GPC5: variants seen among roughly 807,000 people sequenced by gnomAD.
The protein encoded by GPC5 is glypican 5, also known as glypican-5.
A neutral mutation model predicts 53.9 loss-of-function variants in GPC5; 47 were observed. That is an observed-to-expected ratio of 0.87 (90% CI 0.69 to 1.11). GPC5 has a LOEUF of 1.11. Ranked by LOEUF, GPC5 falls within the 50% of genes most tolerant of loss-of-function variation. GPC5 has a pLI of 0.00. For synonymous variants in GPC5, 286 were observed against 263.3 expected (o/e 1.09, Z -0.84); for missense variants, 748 against 713.1 (o/e 1.05, Z -0.56).
intron 7 of GPC5, among the ~76,000 whole-genome samples, chr13:92,753,263 C>A (rs969340501): frequency 1.3e-5 from 2 of 152,172 alleles, no homozygotes; most frequent in African/African-American, 2.4e-5. Context: ...TCCAACAGAC[C>A]TGCAGCTGAG....
intron 5 of GPC5, among the ~76,000 whole-genome samples, chr13:91,883,068 A>T (rs892720282): frequency 2.0e-5 from 3 of 152,156 alleles, no homozygotes; most frequent in Non-Finnish European, 4.4e-5. Context: ...CTTCTCTCAC[A>T]TCATTAACTA....
At chr13:92,498,695 C>T (rs1880076229) in intron 7 of GPC5, among the ~76,000 whole-genome samples, 1 of 152,158 alleles carries the variant, frequency 6.6e-6, no homozygotes, top group African/African-American at 2.4e-5. Flanking sequence ...ATAATGCCTT[C>T]ACCTTTTACA....
At chr13:91,799,095 A>G (rs911965980) in intron 5 of GPC5, among the ~76,000 whole-genome samples, 3 of 152,220 alleles carry the variant, frequency 2.0e-5, no homozygotes, top group Admixed American at 6.5e-5. Flanking sequence ...GTGTTCATCA[A>G]CAGTGGACTG....
intron 5 of GPC5, among the ~76,000 whole-genome samples, chr13:91,773,023 A>G (rs2037652609): frequency 6.6e-6 from 1 of 152,168 alleles, no homozygotes; most frequent in South Asian, 2.1e-4. Flanking sequence ...TTACTGTAGA[A>G]ATGATGTGAG....
intron 7 of GPC5, among the ~76,000 whole-genome samples, chr13:92,783,898 A>G (rs1050958881): frequency 6.6e-6 from 1 of 152,178 alleles, no homozygotes; most frequent in Non-Finnish European, 1.5e-5. Context: ...TTTAGAAAGA[A>G]AATGCACTAA....
At chr13:91,725,820 G>A (rs906942054) in intron 3 of GPC5, among the ~76,000 whole-genome samples, 9 of 152,106 alleles carry the variant, frequency 5.9e-5, no homozygotes, top group African/African-American at 1.4e-4. Flanking sequence ...CTTCAAAGTC[G>A]TTTTATTTTC....
At chr13:91,946,255 T>A (rs1409648026) in intron 6 of GPC5, among the ~76,000 whole-genome samples, 11 of 151,874 alleles carry the variant, frequency 7.2e-5, no homozygotes, top group East Asian at 5.8e-4. Flanking sequence ...TTTGTGGGGA[T>A]TTTTTTTCCT....
At position 91,756,363 on chromosome 13, in the gene GPC5, A is replaced by G. The variant is rs779335662; in HGVS notation, c.1223A>G (p.Asn408Ser). Reference protein sequence around the residue: ...YGGLADQLCANELAAADGLPC... With the variant: ...YGGLADQLCASELAAADGLPC... ...GGTCTAGCTGATCAGCTTTGTGCTA[A>G]TGAATTAGCTGCTGCAGATGGACTT... Residue 408 changes from asparagine (N) to serine (S), a missense_variant, in exon 5 of 8, where the codon AAT becomes AGT. Physicochemically the swap from Asn to Ser is conservative, Grantham distance 46. Transcript: ENST00000377067. 7 of 1,594,998 alleles carry G rather than the reference A, an allele frequency of 4.4e-6. No individual in the cohort carries two copies. The highest frequency in any genetic ancestry group is 5.1e-6 in the Non-Finnish European group (6 of 1,166,252).
At chr13:91,442,100 A>G (rs1397721865) in intron 1 of GPC5, among the ~76,000 whole-genome samples, 1 of 152,200 alleles carries the variant, frequency 6.6e-6, no homozygotes, top group East Asian at 1.9e-4. Context: ...TTATTATTAA[A>G]TAAAGCACAG....
intron 7 of GPC5, among the ~76,000 whole-genome samples, chr13:92,826,038 G>T (rs565146363): frequency 5.3e-5 from 8 of 152,208 alleles, no homozygotes; most frequent in Non-Finnish European, 1.5e-5. Flanking sequence ...ATATTTTCAT[G>T]CATATTTTTG....
At chr13:91,847,720 C>T (rs1419765918) in intron 5 of GPC5, among the ~76,000 whole-genome samples, 1 of 152,118 alleles carries the variant, frequency 6.6e-6, no homozygotes, top group Non-Finnish European at 1.5e-5. Context: ...TGAAACAAAA[C>T]TTTCCTTATT....
At chr13:91,817,401 C>T (rs1036260657) in intron 5 of GPC5, among the ~76,000 whole-genome samples, 5 of 152,144 alleles carry the variant, frequency 3.3e-5, no homozygotes, top group Admixed American at 1.3e-4. Flanking sequence ...TTCAGAGAAG[C>T]TCATGGAAAT....
At chr13:92,611,224 A>G (rs1478767030) in intron 7 of GPC5, among the ~76,000 whole-genome samples, 1 of 152,178 alleles carries the variant, frequency 6.6e-6, no homozygotes, top group Non-Finnish European at 1.5e-5. Context: ...CAATGAATAG[A>G]ATGTAACTAA....
intron 6 of GPC5, among the ~76,000 whole-genome samples, chr13:91,930,278 T>A (rs2039809138): frequency 6.6e-6 from 1 of 151,998 alleles, no homozygotes. Flanking sequence ...TCTATCAGAA[T>A]GTTTAAAAAA....
chr13:91,762,466 G>T (rs1480616814), intron 5 of GPC5, among the ~76,000 whole-genome samples: 1 of 151,902 alleles, frequency 6.6e-6, no homozygotes, highest in East Asian at 1.9e-4. Context: ...AAAACGATCA[G>T]GTCTCAGGAT....
chr13:92,399,715 G>A (rs1875469299), intron 7 of GPC5, among the ~76,000 whole-genome samples: 1 of 152,174 alleles, frequency 6.6e-6, no homozygotes, highest in South Asian at 2.1e-4. Flanking sequence ...GAGCTTGTGG[G>A]AGACCCAGTT....
chr13:91,416,015 T>C (rs146884610), intron 1 of GPC5, among the ~76,000 whole-genome samples: 1,656 of 152,308 alleles, frequency 0.011, 15 homozygotes, highest in Non-Finnish European at 0.016. Context: ...CAGTGTCTTG[T>C]ACAGAATGGG....
chr13:91,749,708 G>A (rs2037128158), intron 4 of GPC5, among the ~76,000 whole-genome samples: 2 of 152,200 alleles, frequency 1.3e-5, no homozygotes, highest in Non-Finnish European at 1.5e-5. Flanking sequence ...TACCAACAGT[G>A]TATAAGTGTT....
intron 7 of GPC5, among the ~76,000 whole-genome samples, chr13:92,273,842 A>T (rs1311748233): frequency 6.6e-6 from 1 of 152,116 alleles, no homozygotes; most frequent in Non-Finnish European, 1.5e-5. Flanking sequence ...GAAGAGAAAG[A>T]TGTTGTATCA....
Sources: gnomAD v4.1 joint callset for allele counts (sites outside exome capture counted in the v4.1 genomes callset) on GRCh38, gnomAD v4.1.1 for gene constraint, MANE v1.5 for transcripts, NCBI Gene and HGNC (gene_info 2026-07-23, HGNC 2026-07-21) for gene names.